B4GALNT3: variants seen among roughly 807,000 people sequenced by gnomAD.
B4GALNT3 encodes the protein beta-1,4-N-acetyl-galactosaminyltransferase 3.
In B4GALNT3, 86 loss-of-function variants were observed where a neutral mutation model predicts 120.2. The observed-to-expected ratio is 0.72, with a 90% CI of 0.60 to 0.86. B4GALNT3 has a LOEUF of 0.86. B4GALNT3 is among the 40% of genes least tolerant of loss of function. The pLI, the probability that B4GALNT3 is intolerant of heterozygous loss-of-function variation, is 0.00. For synonymous variants in B4GALNT3, 518 were observed against 510.4 expected (o/e 1.01, Z -0.20); for missense variants, 1,167 against 1,298.9 (o/e 0.90, Z 1.56).
At chr12:546,850 C>A (rs1947013949) in intron 7 of B4GALNT3, 137 bp downstream of exon 7, 1 of 823,676 alleles carries the variant, frequency 1.2e-6, no homozygotes, top group East Asian at 2.7e-5. Flanking sequence ...GCAACCGGGT[C>A]TTTGGCTCAG....
At chr12:558,804 GA>G (rs780873858) in intron 18 of B4GALNT3, 143 bp downstream of exon 18, 28 of 898,812 alleles carry the variant, frequency 3.1e-5, no homozygotes, top group Non-Finnish European at 4.5e-5. Flanking sequence ...TCACTCCCCG[GA>G]AAACTCACCA....
intron 1 of B4GALNT3, among the ~76,000 whole-genome samples, chr12:501,474 G>C (rs781105570): frequency 6.6e-6 from 1 of 152,120 alleles, no homozygotes; most frequent in Non-Finnish European, 1.5e-5. Flanking sequence ...CCAGCTACTC[G>C]GGAGGCTGAG....
At chr12:525,509 A>G (rs1338610494) in intron 1 of B4GALNT3, among the ~76,000 whole-genome samples, 1 of 152,018 alleles carries the variant, frequency 6.6e-6, no homozygotes, top group African/African-American at 2.4e-5. Context: ...CACACTCCTG[A>G]CTGTATTCTT....
rs527983737 is a variant in B4GALNT3, at chr12:469,825, T to A, written c.169+9280T>A. Among the ~76,000 whole-genome samples, 26 of 152,162 alleles carry A rather than the reference T, an allele frequency of 1.7e-4. No individual in the cohort carries two copies. In the East Asian group the frequency reaches 4.1e-3, roughly 24 times the overall value. On this transcript the variant is annotated intron_variant, in intron 1 of 19. Transcript: ENST00000266383. Reference sequence around the variant, plus strand: ...TCATTATTTATTTATTTTTAAAAAATTTTGTTTTTAGAGATGGGGTCTCAC... The same window carrying A: ...TCATTATTTATTTATTTTTAAAAAAATTTGTTTTTAGAGATGGGGTCTCAC...
chr12:494,893 A>G (rs1335385081), intron 1 of B4GALNT3, among the ~76,000 whole-genome samples: 1 of 152,202 alleles, frequency 6.6e-6, no homozygotes, highest in Non-Finnish European at 1.5e-5. Flanking sequence ...ATTTAGTCTC[A>G]GGTTTCACTC....
intron 5 of B4GALNT3, 176 bp from the exon 6 acceptor site, chr12:545,193 A>G (rs1946977636): frequency 1.4e-6 from 2 of 1,447,356 alleles, no homozygotes; most frequent in African/African-American, 1.4e-5. Context: ...CTCTCCATAT[A>G]AGTCTTCTCC....
intron 1 of B4GALNT3, among the ~76,000 whole-genome samples, chr12:530,314 T>G (rs1946794283): frequency 6.6e-6 from 1 of 152,250 alleles, no homozygotes; most frequent in Non-Finnish European, 1.5e-5. Context: ...GATTTATACT[T>G]ACGTGAGAAC....
intron 1 of B4GALNT3, among the ~76,000 whole-genome samples, chr12:510,481 T>TGGCTGGGCTGGGGG: frequency 6.8e-6 from 1 of 147,728 alleles, no homozygotes; most frequent in Non-Finnish European, 1.5e-5. Context: ...TCAGGGGAGT[T>TGGCTGGGCTGGGGG]GGCTGGGCTG....
chr12:504,725 CAAAA>C (rs946111456), intron 1 of B4GALNT3, among the ~76,000 whole-genome samples: 1 of 151,966 alleles, frequency 6.6e-6, no homozygotes, highest in Non-Finnish European at 1.5e-5. Context: ...AACAAACAAA[CAAAA>C]AAACCCCACA....
At chr12:538,975 A>G (rs1946888400) in intron 3 of B4GALNT3, among the ~76,000 whole-genome samples, 1 of 152,238 alleles carries the variant, frequency 6.6e-6, no homozygotes, top group African/African-American at 2.4e-5. Context: ...CCTCTTCCAG[A>G]TAATGGCTCA....
chr12:493,798 AT>A (rs1946365615), intron 1 of B4GALNT3, among the ~76,000 whole-genome samples: 1 of 152,214 alleles, frequency 6.6e-6, no homozygotes, highest in African/African-American at 2.4e-5. Flanking sequence ...TTTAAAAAAA[AT>A]GAAAAGTAAC....
intron 1 of B4GALNT3, among the ~76,000 whole-genome samples, chr12:512,068 TCAAC>T (rs1946578932): frequency 7.9e-6 from 1 of 126,394 alleles, no homozygotes; most frequent in Non-Finnish European, 1.6e-5. Context: ...TCTTCCACCT[TCAAC>T]CTTCCACCTT....
intron 1 of B4GALNT3, among the ~76,000 whole-genome samples, chr12:519,070 C>A (rs2286782): frequency 0.17 from 25,736 of 152,150 alleles, 2,735 homozygotes; most frequent in South Asian, 0.37. Context: ...GAAGCCAATT[C>A]AAAATAAATG....
intron 1 of B4GALNT3, among the ~76,000 whole-genome samples, chr12:518,947 A>G (rs1946682449): frequency 6.6e-6 from 1 of 152,202 alleles, no homozygotes; most frequent in Admixed American, 6.5e-5. Flanking sequence ...GATGCTCAGA[A>G]AATCTAGCTT....
In B4GALNT3 at chr12:548,163, C is replaced by T. The variant is rs913519756; in HGVS notation, c.786+61C>T. ...GTTCCTGGCACTCATCTCCCCTTGTCCCTTGACCCCTGTTGGAAATCCAGC... is the reference window on the plus strand; with the variant it reads ...GTTCCTGGCACTCATCTCCCCTTGTTCCTTGACCCCTGTTGGAAATCCAGC... On this transcript the variant is annotated intron_variant, in intron 8 of 19. Transcript: ENST00000266383. This position sits in a 1 kb window ranked among gnomAD's most constrained non-coding sequence, Gnocchi z 4.9. The T allele has an allele frequency of 2.4e-5, 39 of 1,606,116 alleles. No individual in the cohort carries two copies. Among genetic ancestry groups the T allele is most frequent in the Admixed American group, 1.0e-4 (6 of 59,990 alleles).
rs768068460 is a variant in B4GALNT3, at chr12:559,426, C to A, written c.2888+5C>A. The A allele has an allele frequency of 3.7e-6, 6 of 1,613,352 alleles. No individual in the cohort carries two copies. The African/African-American group carries it at 5.3e-5, about 14-fold the overall frequency. On this transcript the variant is annotated splice_donor_5th_base_variant and intron_variant, in intron 19 of 19. Transcript: ENST00000266383. ...AGACTGGGAGCTGCTGGACAGGTGA[C>A]TGGGAAGAGGAGGGCATCCACGAGG...
chr12:524,727 T>C (rs1423465677), intron 1 of B4GALNT3, among the ~76,000 whole-genome samples: 3 of 152,238 alleles, frequency 2.0e-5, no homozygotes, highest in East Asian at 1.9e-4. Context: ...TGGGCAGATA[T>C]GCACTCTCCT....
intron 14 of B4GALNT3, among the ~76,000 whole-genome samples, chr12:554,597 T>C (rs924428912): frequency 2.8e-4 from 42 of 150,978 alleles, no homozygotes; most frequent in East Asian, 2.2e-3. Context: ...GAGACCATCC[T>C]GGCTAACACG....
At chr12:461,382 G>C (rs1946021272) in intron 1 of B4GALNT3, among the ~76,000 whole-genome samples, 1 of 152,150 alleles carries the variant, frequency 6.6e-6, no homozygotes, top group South Asian at 2.1e-4. Context: ...TGGTCTCTTT[G>C]CCTTTTTACA....
Sources: allele counts gnomAD v4.1 joint callset (sites outside exome capture counted in the v4.1 genomes callset), GRCh38; gene constraint gnomAD v4.1.1; non-coding constraint Gnocchi (gnomAD v3.1); transcripts MANE v1.5; gene names NCBI Gene and HGNC (gene_info 2026-07-23, HGNC 2026-07-21).